Variants in BCL2L14 observed in about 807,000 individuals in gnomAD.
The protein encoded by BCL2L14 is BCL2 like 14.
A neutral mutation model predicts 35.3 loss-of-function variants in BCL2L14; 27 were observed. The observed-to-expected ratio is 0.76, with a 90% CI of 0.56 to 1.05. The LOEUF is 1.05. Ranked by LOEUF, BCL2L14 falls within the 50% of genes least tolerant of loss-of-function variation. The pLI, the probability that BCL2L14 is intolerant of heterozygous loss-of-function variation, is 0.00. For missense variants in BCL2L14, 377 were observed against 382.6 expected (o/e 0.99, Z 0.12); for synonymous variants, 139 against 145.9 (o/e 0.95, Z 0.34).
At chr12:12,089,699 C>G (rs1223956153) in intron 3 of BCL2L14, among the ~76,000 whole-genome samples, 2 of 152,146 alleles carry the variant, frequency 1.3e-5, no homozygotes, top group African/African-American at 4.8e-5. Context: ...CTCACATACT[C>G]CACTGCACCC....
Position 12,090,825 on chromosome 12 carries a change from T to C in BCL2L14, c.654T>C (p.Tyr218=). The C allele has an allele frequency of 6.2e-7, 1 of 1,613,370 alleles. No individual in the cohort carries two copies. The highest frequency in any genetic ancestry group is 1.1e-5 in the South Asian group (1 of 90,936). Residue 218 remains tyrosine, a synonymous_variant, in exon 4 of 6, where the codon TAT becomes TAC. Transcript: ENST00000308721. ...ILAKIVELLK[Y]SGDQLERKLK... is the part of the protein sequence containing the mutation. ...CCAAAATTGTTGAGCTGCTGAAATA[T>C]TCAGGAGATCAGTTGGAAAGAAAGG...
upstream of BCL2L14, among the ~76,000 whole-genome samples, chr12:12,068,655 G>A (rs1308729196): frequency 7.1e-6 from 1 of 140,122 alleles, no homozygotes; most frequent in East Asian, 2.1e-4. Context: ...AGTCATGCCT[G>A]GCTAATTAAA....
chr12:12,083,440 C>G (rs963397118), intron 2 of BCL2L14, among the ~76,000 whole-genome samples: 45 of 152,208 alleles, frequency 3.0e-4, no homozygotes, highest in Admixed American at 1.8e-3. Context: ...ACTACCAACC[C>G]AGGCTCTTTC....
chr12:12,066,773 C>T (rs1337360829), upstream of BCL2L14, among the ~76,000 whole-genome samples: 13 of 148,438 alleles, frequency 8.8e-5, no homozygotes, highest in Admixed American at 8.1e-4. Flanking sequence ...TGGAGTGGCG[C>T]AATCTCGGCT....
chr12:12,095,152 A>G (rs991282277), intron 5 of BCL2L14: 1 of 985,224 alleles, frequency 1.0e-6, no homozygotes, highest in African/African-American at 1.7e-5. Flanking sequence ...TATGCAGGGT[A>G]TGTGTGGATG....
chr12:12,050,262 A>G (rs1014147662), intron 1 of BCL2L14, among the ~76,000 whole-genome samples: 2 of 152,036 alleles, frequency 1.3e-5, no homozygotes, highest in African/African-American at 4.8e-5. Flanking sequence ...AAGGCTGGAC[A>G]GGAGTCTTGA....
At chr12:12,095,579 C>T (rs1199235343) in intron 5 of BCL2L14, 12 of 985,268 alleles carry the variant, frequency 1.2e-5, no homozygotes, top group Non-Finnish European at 1.3e-5. Context: ...TAAGGTCCAC[C>T]GTGTCAAAAT....
chr12:12,086,341 A>G (rs1427160205), intron 2 of BCL2L14, among the ~76,000 whole-genome samples: 1 of 151,976 alleles, frequency 6.6e-6, no homozygotes, highest in East Asian at 1.9e-4. Context: ...AAACAAATAA[A>G]AGGTTAGAAC....
At chr12:12,057,451 G>T (rs78699505) in intron 2 of BCL2L14, among the ~76,000 whole-genome samples, 31,531 of 152,062 alleles carry the variant, frequency 0.21, 4,075 homozygotes, top group Non-Finnish European at 0.29. Flanking sequence ...AGCAGTAATA[G>T]CAACTCCAGA....
At chr12:12,073,286 A>G (rs1228263151) in intron 1 of BCL2L14, among the ~76,000 whole-genome samples, 2 of 152,126 alleles carry the variant, frequency 1.3e-5, no homozygotes. Flanking sequence ...CCTCCGCTGT[A>G]GGGTAGCCTC....
upstream of BCL2L14, among the ~76,000 whole-genome samples, chr12:12,067,825 G>C (rs1244447986): frequency 6.6e-6 from 1 of 152,202 alleles, no homozygotes; most frequent in African/African-American, 2.4e-5. Context: ...TGGCCAACTT[G>C]TTAGGCGTGG....
At chr12:12,056,814 C>A (rs559628282) in intron 2 of BCL2L14, among the ~76,000 whole-genome samples, 2 of 133,688 alleles carry the variant, frequency 1.5e-5, no homozygotes, top group Admixed American at 7.3e-5. Context: ...CCAGCCTGGA[C>A]GACAAGAGCG....
chr12:12,069,686 C>A (rs7958777), upstream of BCL2L14, among the ~76,000 whole-genome samples: 15,882 of 138,462 alleles, frequency 0.11, 878 homozygotes, highest in Middle Eastern at 0.19. Flanking sequence ...CCAGCCTGGG[C>A]GACAGAGCAA....
upstream of BCL2L14, among the ~76,000 whole-genome samples, chr12:12,067,500 G>A (rs1214684064): frequency 6.6e-6 from 1 of 151,998 alleles, no homozygotes; most frequent in African/African-American, 2.4e-5. Flanking sequence ...GCAGTGAGCC[G>A]AGATCGTGCC....
At chr12:12,094,437 G>A (rs1180339393) in intron 4 of BCL2L14, 10 of 1,301,616 alleles carry the variant, frequency 7.7e-6, no homozygotes, top group Non-Finnish European at 1.1e-5. Flanking sequence ...TGAACTGACT[G>A]TTCCATTTTA....
At chr12:12,073,190 T>C (rs1948705144) in intron 1 of BCL2L14, among the ~76,000 whole-genome samples, 1 of 152,198 alleles carries the variant, frequency 6.6e-6, no homozygotes, top group African/African-American at 2.4e-5. Context: ...ATTTGTTAAA[T>C]ACATTAAAAC....
At chr12:12,074,645 G>T (rs1287264207) in intron 1 of BCL2L14, among the ~76,000 whole-genome samples, 1 of 151,900 alleles carries the variant, frequency 6.6e-6, no homozygotes, top group African/African-American at 2.4e-5. Flanking sequence ...CACCATGTTG[G>T]CCAGGCTTGT....
chr12:12,057,763 A>C (rs1948454161), intron 2 of BCL2L14, among the ~76,000 whole-genome samples: 1 of 151,080 alleles, frequency 6.6e-6, no homozygotes, highest in Non-Finnish European at 1.5e-5. Flanking sequence ...ATTAAAAAAA[A>C]AAAAAAAGAA....
chr12:12,052,307 A>C (rs1271887139), intron 2 of BCL2L14, among the ~76,000 whole-genome samples: 1 of 152,222 alleles, frequency 6.6e-6, no homozygotes, highest in Non-Finnish European at 1.5e-5. Flanking sequence ...TATAGTTACC[A>C]TGCTGTGCAA....
Sources: allele counts gnomAD v4.1 joint callset (sites outside exome capture counted in the v4.1 genomes callset), GRCh38; gene constraint gnomAD v4.1.1; transcripts MANE v1.5; gene names NCBI Gene and HGNC (gene_info 2026-07-23, HGNC 2026-07-21).